Variants in NELL1 observed in about 807,000 individuals in gnomAD.
NELL1 encodes protein kinase C-binding protein NELL1.
A neutral mutation model predicts 107.4 loss-of-function variants in NELL1; 76 were observed. That is an observed-to-expected ratio of 0.71 (90% CI 0.59 to 0.86). The LOEUF is 0.86. Among genes scored for constraint, NELL1 ranks in the 40% least tolerant of loss-of-function variants. The probability of loss-of-function intolerance (pLI) is 0.00; values close to 1 mark genes in which losing one functional copy is unlikely to be tolerated. For synonymous variants in NELL1, 353 were observed against 341.2 expected (o/e 1.03, Z -0.38); for missense variants, 1,024 against 1,005.5 (o/e 1.02, Z -0.25).
At chr11:21,224,749 A>G (rs1857849991) in intron 13 of NELL1, among the ~76,000 whole-genome samples, 1 of 152,158 alleles carries the variant, frequency 6.6e-6, no homozygotes, top group Admixed American at 6.6e-5. Flanking sequence ...GACATTCTCA[A>G]TTAAAGTTTT....
chr11:21,122,541 AT>A (rs1424950601), intron 13 of NELL1, among the ~76,000 whole-genome samples: 2 of 152,028 alleles, frequency 1.3e-5, no homozygotes, highest in Non-Finnish European at 2.9e-5. Flanking sequence ...GTGCCTTAAG[AT>A]TTTTTCTTTT....
chr11:20,891,191 G>C (rs1401516603), intron 5 of NELL1, among the ~76,000 whole-genome samples: 2 of 152,182 alleles, frequency 1.3e-5, no homozygotes, highest in East Asian at 1.9e-4. Flanking sequence ...AGCCAGAAGA[G>C]ATTGGGGGCC....
chr11:21,563,397 C>A (rs1468848450), intron 17 of NELL1, among the ~76,000 whole-genome samples: 1 of 151,960 alleles, frequency 6.6e-6, no homozygotes, highest in African/African-American at 2.4e-5. Flanking sequence ...AACAACTAAC[C>A]ACTTGTCATA....
chr11:20,981,996 CCTT>C (rs1444120337), intron 12 of NELL1, among the ~76,000 whole-genome samples: 1 of 151,588 alleles, frequency 6.6e-6, no homozygotes, highest in Non-Finnish European at 1.5e-5. Context: ...CTCTCTTTCT[CCTT>C]CTGACTTTTG....
intron 14 of NELL1, among the ~76,000 whole-genome samples, chr11:21,313,433 G>A (rs1432444997): frequency 6.6e-6 from 1 of 152,100 alleles, no homozygotes; most frequent in Non-Finnish European, 1.5e-5. Flanking sequence ...ATCCAATTAG[G>A]CATTCAACAA....
chr11:21,315,890 AGTGTGTGTGT>A (rs10535605), intron 14 of NELL1, among the ~76,000 whole-genome samples: 6 of 149,574 alleles, frequency 4.0e-5, no homozygotes, highest in East Asian at 4.0e-4. Context: ...TGGTGGTGTG[AGTGTGTGTGT>A]GTGTGTGTGT....
chr11:21,315,134 G>A (rs1242470493), intron 14 of NELL1, among the ~76,000 whole-genome samples: 1 of 152,166 alleles, frequency 6.6e-6, no homozygotes, highest in African/African-American at 2.4e-5. Context: ...TGGGATTACA[G>A]GCATGAGCCA....
chr11:20,678,085 G>C (rs372210819), intron 2 of NELL1, 25 bp downstream of exon 2: 69 of 1,613,388 alleles, frequency 4.3e-5, no homozygotes, highest in Non-Finnish European at 5.3e-5. Context: ...TTTCTTGCAT[G>C]GTGGCAGAGG....
At chr11:21,470,129 G>A (rs997241388) in intron 15 of NELL1, among the ~76,000 whole-genome samples, 38 of 152,028 alleles carry the variant, frequency 2.5e-4, no homozygotes, top group African/African-American at 8.9e-4. Flanking sequence ...CTTACGAGGT[G>A]TAGGTATTCT....
At chr11:20,746,000 C>T (rs1855994390) in intron 2 of NELL1, among the ~76,000 whole-genome samples, 1 of 152,128 alleles carries the variant, frequency 6.6e-6, no homozygotes, top group Admixed American at 6.6e-5. Context: ...TCTGTTAACT[C>T]TAATTATTTA....
chr11:20,674,946 A>C (rs1457983473), intron 1 of NELL1, among the ~76,000 whole-genome samples: 1 of 152,200 alleles, frequency 6.6e-6, no homozygotes, highest in Non-Finnish European at 1.5e-5. Flanking sequence ...CCCCAAACTC[A>C]GTGGCTTAAA....
intron 2 of NELL1, among the ~76,000 whole-genome samples, chr11:20,761,546 A>C (rs947837226): frequency 3.3e-5 from 5 of 152,228 alleles, no homozygotes; most frequent in Admixed American, 2.0e-4. Context: ...GTCTCAGCTT[A>C]ATCTTAGATT....
At chr11:20,702,996 T>A (rs1397378141) in intron 2 of NELL1, among the ~76,000 whole-genome samples, 2 of 152,188 alleles carry the variant, frequency 1.3e-5, no homozygotes, top group Non-Finnish European at 2.9e-5. Flanking sequence ...TCTGCCAGGC[T>A]TTGGATGATG....
intron 5 of NELL1, 87 bp from the exon 6 acceptor site, chr11:20,918,095 T>C: frequency 1.3e-6 from 1 of 784,106 alleles, no homozygotes; most frequent in Non-Finnish European, 2.3e-6. Context: ...AAAAATAATC[T>C]GACCTGCCAA....
intron 12 of NELL1, among the ~76,000 whole-genome samples, chr11:21,105,871 CT>C (rs1441358622): frequency 0.3 from 4,160 of 14,064 alleles, 468 homozygotes; most frequent in African/African-American, 0.45. Flanking sequence ...TCCCCCTCCC[CT>C]TCCTCTCTCC....
intron 11 of NELL1, 22 bp from the exon 12 acceptor site, chr11:20,960,410 C>A: frequency 6.2e-7 from 1 of 1,609,748 alleles, no homozygotes; most frequent in South Asian, 1.1e-5. Context: ...TTCTGATGTA[C>A]GTTTTTATTT....
chr11:21,101,242 T>G (rs1854802409), intron 12 of NELL1, among the ~76,000 whole-genome samples: 1 of 152,220 alleles, frequency 6.6e-6, no homozygotes, highest in Non-Finnish European at 1.5e-5. Flanking sequence ...CTATCATTGT[T>G]GGACATAAGG....
chr11:21,322,328 A>G (rs1410988491), intron 14 of NELL1, among the ~76,000 whole-genome samples: 2 of 152,104 alleles, frequency 1.3e-5, no homozygotes, highest in Non-Finnish European at 2.9e-5. Flanking sequence ...AATGGCATCT[A>G]TGGTTCCTTC....
chr11:21,246,507 G>A (rs182236696), intron 14 of NELL1, among the ~76,000 whole-genome samples: 8 of 152,220 alleles, frequency 5.3e-5, no homozygotes, highest in African/African-American at 1.9e-4. Context: ...GTCCTTAGGC[G>A]ATTTTGTTGT....
Sources: gnomAD v4.1 joint callset for allele counts (sites outside exome capture counted in the v4.1 genomes callset) on GRCh38, gnomAD v4.1.1 for gene constraint, MANE v1.5 for transcripts, NCBI Gene and HGNC (gene_info 2026-07-23, HGNC 2026-07-21) for gene names.